Variants in LRRTM4 observed in about 807,000 individuals in gnomAD.
The protein encoded by LRRTM4 is leucine rich repeat transmembrane neuronal 4, also known as leucine-rich repeat transmembrane neuronal protein 4.
LRRTM4 carries 25 observed loss-of-function variants against 47.6 expected under a neutral mutation model. The observed-to-expected ratio is 0.53, with a 90% CI of 0.38 to 0.73. The LOEUF (loss-of-function observed/expected upper bound fraction) is 0.73. Ranked by LOEUF, LRRTM4 falls within the 30% of genes least tolerant of loss-of-function variation. The pLI, the probability that LRRTM4 is intolerant of heterozygous loss-of-function variation, is 0.00. For synonymous variants in LRRTM4, 311 were observed against 269.5 expected, an observed-to-expected ratio of 1.15 and a Z score of -1.51; for missense variants, 638 against 713.4, an observed-to-expected ratio of 0.89 and a Z score of 1.20.
chr2:76,953,187 C>A (rs1248946008), intron 3 of LRRTM4, among the ~76,000 whole-genome samples: 1 of 151,066 alleles, frequency 6.6e-6, no homozygotes. Context: ...AAATAGTATA[C>A]CTGGAAAAAA....
At chr2:77,072,087 T>C (rs1680173279) in intron 3 of LRRTM4, among the ~76,000 whole-genome samples, 1 of 152,154 alleles carries the variant, frequency 6.6e-6, no homozygotes, top group African/African-American at 2.4e-5. Flanking sequence ...CATTTTTATA[T>C]ATACATTAAA....
At chr2:77,001,470 T>C (rs1389858753) in intron 3 of LRRTM4, among the ~76,000 whole-genome samples, 2 of 152,190 alleles carry the variant, frequency 1.3e-5, no homozygotes, top group Non-Finnish European at 2.9e-5. Context: ...GTGCATGTGC[T>C]AGGAGTTTAG....
At chr2:77,463,267 T>A (rs906285492) in intron 3 of LRRTM4, among the ~76,000 whole-genome samples, 1 of 152,080 alleles carries the variant, frequency 6.6e-6, no homozygotes, top group Non-Finnish European at 1.5e-5. Context: ...AATATTATAA[T>A]CTTATGGGAC....
intron 3 of LRRTM4, among the ~76,000 whole-genome samples, chr2:76,851,606 T>G (rs1368268455): frequency 6.6e-6 from 1 of 152,082 alleles, no homozygotes; most frequent in Non-Finnish European, 1.5e-5. Context: ...AGACTAACTG[T>G]TGCTTTAGAT....
At position 76,928,940 on chromosome 2, in the gene LRRTM4, G is replaced by A. The variant is rs773501549; in HGVS notation, c.1552-180024C>T. On this transcript the variant is annotated intron_variant, in intron 3 of 3. Transcript: ENST00000409884. ...ATTTGATTTTAATCAACATTACAAAGCTCTATGTAATATAGTATGTTCTCA... is the reference window on the plus strand; with the variant it reads ...ATTTGATTTTAATCAACATTACAAAACTCTATGTAATATAGTATGTTCTCA... 2.0e-4 allele frequency among the ~76,000 whole-genome samples: 31 copies of A among 152,160 alleles called. No individual in the cohort carries two copies. In the South Asian group the frequency reaches 2.1e-3, roughly 10 times the overall value.
At position 76,784,628 on chromosome 2, in the gene LRRTM4, C is replaced by T. The variant is rs570135743; in HGVS notation, c.1552-35712G>A. 1.1e-4 allele frequency among the ~76,000 whole-genome samples: 17 copies of T among 152,096 alleles called. No homozygotes were observed. In the South Asian group the frequency reaches 3.5e-3, roughly 32 times the overall value. On this transcript the variant is annotated intron_variant, in intron 3 of 3. Transcript: ENST00000409884. ...CTTAAGTTGTATTTACTATGGGGCA[C>T]CACTGATTTTGAAATGATCAATGTA... is the stretch of plus-strand genomic sequence containing the variant.
intron 3 of LRRTM4, among the ~76,000 whole-genome samples, chr2:76,809,995 C>CAAAG (rs1670685906): frequency 6.6e-6 from 1 of 152,188 alleles, no homozygotes; most frequent in Non-Finnish European, 1.5e-5. Flanking sequence ...GACTTGTTCT[C>CAAAG]CATTCTGCTT....
chr2:76,852,213 G>A (rs1020952484), intron 3 of LRRTM4, among the ~76,000 whole-genome samples: 2 of 152,024 alleles, frequency 1.3e-5, no homozygotes, highest in African/African-American at 2.4e-5. Flanking sequence ...TGACCTAGTA[G>A]TCTTCCACAA....
intron 3 of LRRTM4, among the ~76,000 whole-genome samples, chr2:77,138,982 T>C (rs906742213): frequency 3.3e-5 from 5 of 152,138 alleles, no homozygotes; most frequent in African/African-American, 4.8e-5. Flanking sequence ...CAATAATTAA[T>C]AGTCTACCAA....
At chr2:76,846,178 G>C (rs1264965645) in intron 3 of LRRTM4, among the ~76,000 whole-genome samples, 3 of 152,052 alleles carry the variant, frequency 2.0e-5, no homozygotes, top group Non-Finnish European at 4.4e-5. Flanking sequence ...AGGGATGACT[G>C]TAATTCCAAA....
At chr2:76,911,311 T>C (rs1360052218) in intron 3 of LRRTM4, among the ~76,000 whole-genome samples, 1 of 152,178 alleles carries the variant, frequency 6.6e-6, no homozygotes, top group Admixed American at 6.5e-5. Flanking sequence ...TTTTAGGACT[T>C]TCACAATTAT....
intron 3 of LRRTM4, among the ~76,000 whole-genome samples, chr2:76,928,321 A>T (rs1159341850): frequency 6.6e-6 from 1 of 152,192 alleles, no homozygotes; most frequent in African/African-American, 2.4e-5. Flanking sequence ...ATCATGTATA[A>T]TTTACTGAAT....
At chr2:77,226,165 G>A (rs1274867738) in intron 3 of LRRTM4, among the ~76,000 whole-genome samples, 1 of 151,538 alleles carries the variant, frequency 6.6e-6, no homozygotes, top group Non-Finnish European at 1.5e-5. Flanking sequence ...AACAAAATTG[G>A]AAAAACAATT....
At chr2:76,976,718 T>C (rs1330699195) in intron 3 of LRRTM4, among the ~76,000 whole-genome samples, 1 of 151,834 alleles carries the variant, frequency 6.6e-6, no homozygotes, top group African/African-American at 2.4e-5. Flanking sequence ...AAAAGGTTGG[T>C]TAATAGATGC....
intron 3 of LRRTM4, among the ~76,000 whole-genome samples, chr2:77,314,886 T>C (rs747931373): frequency 2.7e-4 from 41 of 152,160 alleles, no homozygotes; most frequent in Non-Finnish European, 3.5e-4. Flanking sequence ...AGCCAAAGCT[T>C]CCAGCTAGCC....
At chr2:77,252,819 T>G (rs1675658735) in intron 3 of LRRTM4, among the ~76,000 whole-genome samples, 1 of 152,104 alleles carries the variant, frequency 6.6e-6, no homozygotes, top group Non-Finnish European at 1.5e-5. Context: ...AAGAGAAATT[T>G]ATTCTCTTAA....
At chr2:76,839,144 A>G (rs1671602090) in intron 3 of LRRTM4, among the ~76,000 whole-genome samples, 1 of 152,128 alleles carries the variant, frequency 6.6e-6, no homozygotes, top group Non-Finnish European at 1.5e-5. Flanking sequence ...AACTGTTAAA[A>G]AGAGACAAAT....
At chr2:77,401,051 G>A (rs1180422673) in intron 3 of LRRTM4, among the ~76,000 whole-genome samples, 1 of 151,872 alleles carries the variant, frequency 6.6e-6, no homozygotes, top group Non-Finnish European at 1.5e-5. Context: ...TTGCAACAGC[G>A]ACTATATGGT....
intron 3 of LRRTM4, among the ~76,000 whole-genome samples, chr2:77,079,002 A>G (rs963382163): frequency 6.6e-6 from 1 of 152,140 alleles, no homozygotes; most frequent in African/African-American, 2.4e-5. Context: ...TAAGAGCATC[A>G]AATGCATTCA....
Sources: allele counts gnomAD v4.1 joint callset (sites outside exome capture counted in the v4.1 genomes callset), GRCh38; gene constraint gnomAD v4.1.1; transcripts MANE v1.5; gene names NCBI Gene and HGNC (gene_info 2026-07-23, HGNC 2026-07-21).